The following HECW2 variants were observed in gnomAD, a reference collection of about 807,000 sequenced individuals.
HECW2 encodes the protein E3 ubiquitin-protein ligase HECW2.
A neutral mutation model predicts 175.2 loss-of-function variants in HECW2; 61 were observed. That is an observed-to-expected ratio of 0.35 (90% CI 0.28 to 0.43). The LOEUF (loss-of-function observed/expected upper bound fraction) is 0.43. Ranked by LOEUF, HECW2 falls within the 20% of genes least tolerant of loss-of-function variation. The pLI is 1.00. For synonymous variants in HECW2, 671 were observed against 731.0 expected, an observed-to-expected ratio of 0.92 and a Z score of 1.32; for missense variants, 1,524 against 2,000.5, an observed-to-expected ratio of 0.76 and a Z score of 4.54.
At chr2:196,524,713 T>C (rs1688567144) in intron 1 of HECW2, among the ~76,000 whole-genome samples, 1 of 121,476 alleles carries the variant, frequency 8.2e-6, no homozygotes, top group East Asian at 2.0e-4. Context: ...CATCTTTATT[T>C]CTGCCTTCAT....
chr2:196,252,969 C>T (rs1028712969), intron 19 of HECW2, among the ~76,000 whole-genome samples: 1 of 152,212 alleles, frequency 6.6e-6, no homozygotes, highest in African/African-American at 2.4e-5. Flanking sequence ...CTCACTGCCA[C>T]ACCATGAATT....
chr2:196,587,304 C>T (rs1051468997), intron 1 of HECW2, among the ~76,000 whole-genome samples: 9 of 152,116 alleles, frequency 5.9e-5, no homozygotes, highest in African/African-American at 9.7e-5. Context: ...TAACAGGCAA[C>T]GATTACGGAT....
intron 13 of HECW2, among the ~76,000 whole-genome samples, chr2:196,303,465 T>G (rs1436911226): frequency 6.6e-6 from 1 of 152,206 alleles, no homozygotes; most frequent in Non-Finnish European, 1.5e-5. Context: ...TTTTTTGGAG[T>G]CATTTCAGTA....
intron 13 of HECW2, among the ~76,000 whole-genome samples, chr2:196,294,565 G>A (rs1169636788): frequency 6.6e-6 from 1 of 152,098 alleles, no homozygotes. Flanking sequence ...CAAACCCCAA[G>A]GACTCTAGAG....
chr2:196,477,866 A>G (rs1686703503), intron 1 of HECW2, among the ~76,000 whole-genome samples: 1 of 152,176 alleles, frequency 6.6e-6, no homozygotes, highest in Non-Finnish European at 1.5e-5. Flanking sequence ...AGTCTGGCCA[A>G]CATGGCGAAA....
chr2:196,265,418 G>A (rs1689474530), intron 17 of HECW2, among the ~76,000 whole-genome samples: 1 of 152,112 alleles, frequency 6.6e-6, no homozygotes, highest in Admixed American at 6.5e-5. Context: ...CCGGGAGGCA[G>A]AGGTTGCAGT....
At chr2:196,542,748 G>A (rs1200017514) in intron 1 of HECW2, among the ~76,000 whole-genome samples, 1 of 150,758 alleles carries the variant, frequency 6.6e-6, no homozygotes, top group Non-Finnish European at 1.5e-5. Flanking sequence ...AGGATACAAA[G>A]ATATATATGT....
At chr2:196,402,803 A>AT (rs369586280) in intron 2 of HECW2, among the ~76,000 whole-genome samples, 95,816 of 123,544 alleles carry the variant, frequency 0.78, 38,734 homozygotes, top group East Asian at 0.95. Flanking sequence ...TGCCTTGGGA[A>AT]TTTTTTTTTT....
chr2:196,406,465 C>G (rs1015316565), intron 2 of HECW2, among the ~76,000 whole-genome samples: 1 of 152,204 alleles, frequency 6.6e-6, no homozygotes, highest in African/African-American at 2.4e-5. Flanking sequence ...CATATTCCCT[C>G]TCATCTGCAC....
At chr2:196,291,274 C>G (rs1425218080) in intron 14 of HECW2, 1 of 152,196 alleles carries the variant, frequency 6.6e-6, no homozygotes, top group East Asian at 1.9e-4. Flanking sequence ...TCTGTGACAT[C>G]CTCCCCAACC....
At chr2:196,211,410 G>C (rs555288413) in intron 28 of HECW2, among the ~76,000 whole-genome samples, 17 of 152,150 alleles carry the variant, frequency 1.1e-4, no homozygotes, top group African/African-American at 4.1e-4. Flanking sequence ...ACCACCGACC[G>C]CGAAGCAGAG....
At chr2:196,280,485 G>A (rs986798074) in intron 14 of HECW2, among the ~76,000 whole-genome samples, 4 of 152,150 alleles carry the variant, frequency 2.6e-5, no homozygotes, top group African/African-American at 7.2e-5. Context: ...TTAAGCAATG[G>A]ATGTACCAGA....
intron 28 of HECW2, among the ~76,000 whole-genome samples, chr2:196,214,063 G>A (rs556677526): frequency 3.9e-5 from 6 of 152,304 alleles, no homozygotes; most frequent in South Asian, 2.1e-4. Flanking sequence ...CAATGGCAGC[G>A]ATCACTGACT....
chr2:196,353,425 T>C (rs1693243734), intron 2 of HECW2, among the ~76,000 whole-genome samples: 1 of 152,248 alleles, frequency 6.6e-6, no homozygotes, highest in South Asian at 2.1e-4. Context: ...AAATATATTG[T>C]CTGTCTTCTT....
intron 18 of HECW2, among the ~76,000 whole-genome samples, chr2:196,257,279 A>AG (rs36097119): frequency 0.35 from 52,577 of 148,120 alleles, 11,469 homozygotes; most frequent in Middle Eastern, 0.49. Flanking sequence ...TTGGAGGGTG[A>AG]GGGGCGGGGG....
At chr2:196,227,760 A>G (rs1687906484) in intron 22 of HECW2, among the ~76,000 whole-genome samples, 1 of 152,160 alleles carries the variant, frequency 6.6e-6, no homozygotes, top group Non-Finnish European at 1.5e-5. Flanking sequence ...CTCAGCTTAG[A>G]GCTCATAGGC....
At chr2:196,381,131 A>C (rs1233288599) in intron 2 of HECW2, among the ~76,000 whole-genome samples, 1 of 152,136 alleles carries the variant, frequency 6.6e-6, no homozygotes, top group East Asian at 1.9e-4. Flanking sequence ...TGCCATTTAC[A>C]ATAAGCACAG....
chr2:196,307,827 G>T, intron 11 of HECW2, 108 bp downstream of exon 11: 2 of 1,070,206 alleles, frequency 1.9e-6, no homozygotes, highest in Admixed American at 2.7e-5. Flanking sequence ...ACACTTTAAC[G>T]ACAGGACACA....
intron 2 of HECW2, among the ~76,000 whole-genome samples, chr2:196,406,934 T>C (rs1490229249): frequency 6.6e-6 from 1 of 152,228 alleles, no homozygotes; most frequent in African/African-American, 2.4e-5. Context: ...TTACTTGAAA[T>C]ACTATCTGAC....
Sources: allele counts gnomAD v4.1 joint callset (sites outside exome capture counted in the v4.1 genomes callset), GRCh38; gene constraint gnomAD v4.1.1; transcripts MANE v1.5; gene names NCBI Gene and HGNC (gene_info 2026-07-23, HGNC 2026-07-21).